Variants in CACNA2D2 observed in about 807,000 individuals in gnomAD.
CACNA2D2 encodes calcium voltage-gated channel auxiliary subunit alpha2delta 2, also known as voltage-dependent calcium channel subunit alpha-2/delta-2.
In CACNA2D2, 48 loss-of-function variants were observed where a neutral mutation model predicts 166.4. That is an observed-to-expected ratio of 0.29 (90% CI 0.23 to 0.37). The LOEUF (loss-of-function observed/expected upper bound fraction) is 0.37, where lower values mean the gene tolerates loss of function less well. Among genes scored for constraint, CACNA2D2 ranks in the 10% least tolerant of loss-of-function variants. The pLI, the probability that CACNA2D2 is intolerant of heterozygous loss-of-function variation, is 1.00. For missense variants in CACNA2D2, 1,122 were observed against 1,433.0 expected (o/e 0.78, Z 3.50); for synonymous variants, 561 against 573.7 (o/e 0.98, Z 0.32).
In CACNA2D2 at chr3:50,381,710, T is replaced by C. The variant is rs894722746; in HGVS notation, c.653-584A>G. 3.9e-5 allele frequency among the ~76,000 whole-genome samples: 6 copies of C among 151,990 alleles called. No homozygotes were observed. The East Asian group carries it at 1.2e-3, about 29-fold the overall frequency. On this transcript the variant is annotated intron_variant, in intron 6 of 37. Coordinates refer to ENST00000424201, the MANE Select transcript of CACNA2D2 (RefSeq NM_006030.4). ...GATCCTGCTTCAACACAGGCAAGTG[T>C]ACTTGTACACGCATGCGCACACTGC...
intron 2 of CACNA2D2, among the ~76,000 whole-genome samples, chr3:50,448,164 C>T (rs917376770): frequency 1.3e-5 from 2 of 152,186 alleles, no homozygotes; most frequent in African/African-American, 4.8e-5. Context: ...ACAGGGCAGG[C>T]ATTCCCTGGA....
At chr3:50,489,195 C>A (rs145440786) in intron 1 of CACNA2D2, among the ~76,000 whole-genome samples, 3 of 152,274 alleles carry the variant, frequency 2.0e-5, no homozygotes, top group African/African-American at 7.2e-5. Flanking sequence ...ATATGGGGTT[C>A]CCTTTATAAT....
At chr3:50,451,376 T>C (rs1667050739) in intron 2 of CACNA2D2, among the ~76,000 whole-genome samples, 1 of 152,100 alleles carries the variant, frequency 6.6e-6, no homozygotes. Flanking sequence ...TCTGCCCACC[T>C]CGGCCTCCCA....
intron 2 of CACNA2D2, among the ~76,000 whole-genome samples, chr3:50,454,907 T>G (rs1307952249): frequency 6.6e-6 from 1 of 152,134 alleles, no homozygotes; most frequent in Non-Finnish European, 1.5e-5. Flanking sequence ...GCTGCACTGG[T>G]AGGCCCTCTG....
intron 1 of CACNA2D2, among the ~76,000 whole-genome samples, chr3:50,500,799 G>A (rs953929008): frequency 8.2e-6 from 1 of 121,996 alleles, no homozygotes; most frequent in Non-Finnish European, 1.6e-5. Flanking sequence ...CCTCCCTTCA[G>A]CAGTAACCCC....
Position 50,390,118 on chromosome 3 carries a change from G to C in CACNA2D2, c.466-2506C>G, listed in dbSNP as rs142630413. On this transcript the variant is annotated intron_variant, in intron 4 of 37. Coordinates refer to ENST00000424201, the MANE Select transcript of CACNA2D2 (RefSeq NM_006030.4). ...TCCTGGGTTGAGCAACAAGGAGGCA[G>C]TATTCTCTAGTGACTGAGTGCAGGA... Among the ~76,000 whole-genome samples the C allele has an allele frequency of 2.4e-3, 369 of 152,264 alleles. 2 individuals carry two copies. Among genetic ancestry groups the C allele is most frequent in the African/African-American group, 8.5e-3 (352 of 41,524 alleles).
At chr3:50,458,352 C>G (rs1423038048) in intron 2 of CACNA2D2, among the ~76,000 whole-genome samples, 1 of 152,216 alleles carries the variant, frequency 6.6e-6, no homozygotes, top group African/African-American at 2.4e-5. Flanking sequence ...CTGCTAACTC[C>G]AAGCCAAGCC....
chr3:50,496,059 A>G (rs937784927), intron 1 of CACNA2D2, among the ~76,000 whole-genome samples: 7 of 152,358 alleles, frequency 4.6e-5, no homozygotes, highest in South Asian at 2.1e-4. Context: ...AAAGTTTGCA[A>G]AACACTGGCC....
intron 3 of CACNA2D2, among the ~76,000 whole-genome samples, chr3:50,401,159 G>A (rs1706430259): frequency 6.6e-6 from 1 of 152,200 alleles, no homozygotes; most frequent in South Asian, 2.1e-4. Context: ...GGCTGGCATG[G>A]GAGGCCATCA....
At chr3:50,409,539 T>C (rs1203916971) in intron 3 of CACNA2D2, among the ~76,000 whole-genome samples, 2 of 152,272 alleles carry the variant, frequency 1.3e-5, no homozygotes, top group Non-Finnish European at 2.9e-5. Context: ...TCGTGGGCGA[T>C]GCCACTGAGC....
Position 50,378,957 on chromosome 3 carries a change from A to G in CACNA2D2, c.1297T>C (p.Tyr433His). 6.2e-7 allele frequency: 1 copy of G among 1,613,864 alleles called. No individual in the cohort carries two copies. The highest frequency in any genetic ancestry group is 8.5e-7 in the Non-Finnish European group (1 of 1,180,034). ...VFTFSVGQHN[Y>H]DVTPLQWMAC... Reference sequence around the variant, plus strand: ...ATCCACTGCAGCGGTGTGACGTCATAGTTATGCTGCCCCACGGAGAAAGTA... The same window carrying G: ...ATCCACTGCAGCGGTGTGACGTCATGGTTATGCTGCCCCACGGAGAAAGTA... Residue 433 changes from tyrosine to histidine, a missense_variant, in exon 13 of 38, where the codon TAT becomes CAT. Physicochemically the swap from Tyr to His is moderately conservative, Grantham distance 83 (BLOSUM62 2). Transcript: ENST00000424201.
intron 3 of CACNA2D2, among the ~76,000 whole-genome samples, chr3:50,402,140 T>C (rs1706480519): frequency 6.6e-6 from 1 of 152,242 alleles, no homozygotes; most frequent in South Asian, 2.1e-4. Context: ...TTTTTTGCTT[T>C]AAACTGGAAC....
intron 2 of CACNA2D2, among the ~76,000 whole-genome samples, chr3:50,466,861 C>T (rs533452840): frequency 1.3e-4 from 20 of 152,346 alleles, no homozygotes; most frequent in South Asian, 4.1e-4. Flanking sequence ...CCTGACAACC[C>T]CCATCTTCTG....
Position 50,380,073 on chromosome 3 carries a change from T to C in CACNA2D2, c.843-55A>G, listed in dbSNP as rs1183294519. ...GGCCCACTGGGACCTTGTGGGTCCT[T>C]CCTTCCTTCACATACATATTGATTC... is the stretch of plus-strand genomic sequence containing the variant. On this transcript the variant is annotated intron_variant, in intron 8 of 37. Coordinates refer to ENST00000424201, the MANE Select transcript of CACNA2D2 (RefSeq NM_006030.4). The surrounding 1 kb of genome is among the most constrained non-coding windows in gnomAD (Gnocchi z 4.9). 1 of 1,560,328 alleles carries C rather than the reference T, an allele frequency of 6.4e-7. No homozygotes were observed. The highest frequency in any genetic ancestry group is 1.4e-5 in the African/African-American group (1 of 73,864).
chr3:50,399,037 G>C (rs932385712), intron 3 of CACNA2D2, among the ~76,000 whole-genome samples: 2 of 152,198 alleles, frequency 1.3e-5, no homozygotes, highest in Admixed American at 6.5e-5. Flanking sequence ...GCCAGGATGG[G>C]CACCCCTCAG....
rs143787311 is a variant in CACNA2D2, at chr3:50,503,180, G to C, written c.206+38C>G. 3.5e-4 allele frequency: 408 copies of C among 1,152,368 alleles called. No homozygotes were observed. The Middle Eastern group carries it at 6.0e-3, about 17-fold the overall frequency. 71.4% of individuals were successfully genotyped at this position (1,152,368 alleles called of 1,614,324 possible). On this transcript the variant is annotated intron_variant, in intron 1 of 37. Transcript: ENST00000424201. ...GACCGGGGGCAGAGCGGGGCGCAAG[G>C]CTCGGCCGGGGTCTCGCGGCCGGCC...
chr3:50,367,376 C>T lies in CACNA2D2; in HGVS notation c.2401+18G>A. On this transcript the variant is annotated intron_variant, in intron 27 of 37. Coordinates refer to ENST00000424201, the MANE Select transcript of CACNA2D2 (RefSeq NM_006030.4). This position sits in a 1 kb window ranked among gnomAD's most constrained non-coding sequence, Gnocchi z 6.5. ...GAGGCTCCCTGCCTGCTGCTGGGCA[C>T]ACTGCGGGGACACTCACCATCCTGG... The T allele has an allele frequency of 6.2e-7, 1 of 1,607,172 alleles. No individual in the cohort carries two copies. The highest frequency in any genetic ancestry group is 1.3e-5 in the African/African-American group (1 of 74,852).
chr3:50,428,395 C>T (rs1481777881), intron 3 of CACNA2D2, among the ~76,000 whole-genome samples: 6 of 152,068 alleles, frequency 3.9e-5, no homozygotes. Context: ...CCCCACAGTC[C>T]CTGACTCCCT....
At chr3:50,499,208 C>T (rs1299680681) in intron 1 of CACNA2D2, among the ~76,000 whole-genome samples, 2 of 152,134 alleles carry the variant, frequency 1.3e-5, no homozygotes, top group Non-Finnish European at 2.9e-5. Context: ...CTGGAAGGTT[C>T]GGGTGTGAGA....
Sources: gnomAD v4.1 joint callset for allele counts (sites outside exome capture counted in the v4.1 genomes callset) on GRCh38, gnomAD v4.1.1 for gene constraint, Gnocchi (gnomAD v3.1) non-coding constraint, MANE v1.5 for transcripts, NCBI Gene and HGNC (gene_info 2026-07-23, HGNC 2026-07-21) for gene names.